The following PCDH11Y variants were observed in gnomAD, a reference collection of about 807,000 sequenced individuals.
PCDH11Y encodes protocadherin 11 Y-linked.
For synonymous variants in PCDH11Y, 9 were observed against 83.6 expected (o/e 0.11, Z 4.87); for missense variants, 12 against 224.8 (o/e 0.05, Z 6.05).
At chrY:5,707,810 A>G in intron 4 of PCDH11Y, among the ~76,000 whole-genome samples, 2 of 32,061 alleles carry the variant, frequency 6.2e-5, no homozygotes, top group Admixed American at 2.9e-4. Context: ...AGGGGATACT[A>G]TTTAATAACA....
chrY:5,203,103 G>A, intron 2 of PCDH11Y, among the ~76,000 whole-genome samples: 1 of 28,815 alleles, frequency 3.5e-5, no homozygotes, highest in East Asian at 9.7e-4. Context: ...AGGTGCACAA[G>A]GGATGTTTCT....
chrY:5,251,973 G>A (rs2053004714), intron 2 of PCDH11Y, among the ~76,000 whole-genome samples: 2 of 32,196 alleles, frequency 6.2e-5, no homozygotes, highest in Non-Finnish European at 1.5e-4. Flanking sequence ...ATAGGGGGCC[G>A]AAGCAATTTT....
intron 2 of PCDH11Y, among the ~76,000 whole-genome samples, chrY:5,408,289 CA>C (rs2053243043): frequency 3.0e-5 from 1 of 32,935 alleles, no homozygotes; most frequent in African/African-American, 1.2e-4. Flanking sequence ...AGTTGGGGCA[CA>C]ATGTATTATA....
At chrY:5,563,532 A>G (rs2053431486) in intron 3 of PCDH11Y, among the ~76,000 whole-genome samples, 1 of 33,425 alleles carries the variant, frequency 3.0e-5, no homozygotes, top group Non-Finnish European at 7.4e-5. Context: ...AGTCAATTAC[A>G]TTGTATCCAT....
intron 2 of PCDH11Y, among the ~76,000 whole-genome samples, chrY:5,132,985 G>A: frequency 3.1e-5 from 1 of 32,112 alleles, no homozygotes; most frequent in Admixed American, 2.9e-4. Context: ...AAATTCATAG[G>A]ACCCTATGAA....
chrY:5,517,035 G>T, intron 3 of PCDH11Y, among the ~76,000 whole-genome samples: 1 of 33,584 alleles, frequency 3.0e-5, no homozygotes, highest in African/African-American at 1.2e-4. Context: ...AGGGAAATGA[G>T]ATTGCAATCA....
intron 2 of PCDH11Y, among the ~76,000 whole-genome samples, chrY:5,465,315 C>T (rs2124684169): frequency 6.2e-5 from 2 of 32,076 alleles, no homozygotes; most frequent in Admixed American, 5.8e-4. Flanking sequence ...TTCTTATAAA[C>T]TATTCCATCA....
At chrY:5,237,568 C>T in intron 2 of PCDH11Y, among the ~76,000 whole-genome samples, 1 of 32,334 alleles carries the variant, frequency 3.1e-5, no homozygotes, top group African/African-American at 1.2e-4. Context: ...GAAGTTCTGG[C>T]CAAGGCAATC....
chrY:5,358,172 G>T, intron 2 of PCDH11Y, among the ~76,000 whole-genome samples: 3 of 33,709 alleles, frequency 8.9e-5, no homozygotes, highest in Non-Finnish European at 2.2e-4. Flanking sequence ...CCCACCTCAG[G>T]TGATCACCCA....
intron 2 of PCDH11Y, among the ~76,000 whole-genome samples, chrY:5,241,452 CTT>C (rs2052988152): frequency 3.4e-5 from 1 of 29,051 alleles, no homozygotes; most frequent in East Asian, 8.9e-4. Context: ...CCTCAATAAA[CTT>C]AATCATTTTT....
chrY:5,404,058 T>A, intron 2 of PCDH11Y, among the ~76,000 whole-genome samples: 1 of 33,688 alleles, frequency 3.0e-5, no homozygotes, highest in East Asian at 7.9e-4. Context: ...AGACAACTAT[T>A]TGCTTTTTTT....
chrY:5,730,719 G>C, intron 4 of PCDH11Y, among the ~76,000 whole-genome samples: 2 of 29,475 alleles, frequency 6.8e-5, no homozygotes, highest in African/African-American at 2.6e-4. Context: ...TGCCTGTTTA[G>C]TATGATGTTG....
intron 4 of PCDH11Y, among the ~76,000 whole-genome samples, chrY:5,624,656 G>A: frequency 3.1e-5 from 1 of 31,979 alleles, no homozygotes; most frequent in African/African-American, 1.2e-4. Context: ...CTCATTGCTT[G>A]TTTTTGTCAA....
At chrY:5,041,562 T>C in intron 3 of PCDH11Y, among the ~76,000 whole-genome samples, 1 of 32,440 alleles carries the variant, frequency 3.1e-5, no homozygotes, top group Non-Finnish European at 7.5e-5. Context: ...AATGCCGCAA[T>C]AAACATACGT....
chrY:5,117,914 G>A (rs2124639765), intron 2 of PCDH11Y, among the ~76,000 whole-genome samples: 4 of 29,985 alleles, frequency 1.3e-4, no homozygotes, highest in African/African-American at 5.2e-4. Flanking sequence ...TACACATTCC[G>A]TATATTTACA....
intron 3 of PCDH11Y, among the ~76,000 whole-genome samples, chrY:5,551,860 ACC>A (rs2053418941): frequency 3.0e-5 from 1 of 32,854 alleles, no homozygotes; most frequent in South Asian, 6.9e-4. Context: ...CATTGGATCT[ACC>A]CCACTTTGTC....
downstream of PCDH11Y, chrY:5,104,660 T>C: frequency 3.8e-6 from 1 of 265,278 alleles, no homozygotes; most frequent in South Asian, 5.7e-5. Context: ...ACAGCCATGA[T>C]GTAATATAAG....
upstream of PCDH11Y, among the ~76,000 whole-genome samples, chrY:5,052,542 T>C: frequency 3.0e-5 from 1 of 33,272 alleles, no homozygotes; most frequent in Non-Finnish European, 7.4e-5. Context: ...TTTTGCTTTA[T>C]ATATCTTTAA....
chrY:5,001,108 G>A, intron 1 of PCDH11Y, among the ~76,000 whole-genome samples: 1 of 32,997 alleles, frequency 3.0e-5, no homozygotes, highest in East Asian at 8.5e-4. Flanking sequence ...TGGGGGCTCG[G>A]GTTTGGATCC....
Sources: gnomAD v4.1 joint callset for allele counts (sites outside exome capture counted in the v4.1 genomes callset) on GRCh38, gnomAD v4.1.1 for gene constraint, MANE v1.5 for transcripts, NCBI Gene and HGNC (gene_info 2026-07-23, HGNC 2026-07-21) for gene names.